The following CKAP4 variants were observed in gnomAD, a reference collection of about 807,000 sequenced individuals.
CKAP4 encodes cytoskeleton associated protein 4.
A neutral mutation model predicts 24.4 loss-of-function variants in CKAP4; 20 were observed. The observed-to-expected ratio is 0.82, with a 90% CI of 0.58 to 1.19. The LOEUF is 1.19. CKAP4 is among the 50% of genes most tolerant of loss of function. The probability of loss-of-function intolerance (pLI) is 0.00; values close to 1 mark genes in which losing one functional copy is unlikely to be tolerated. For synonymous variants in CKAP4, 378 were observed against 351.7 expected (o/e 1.07, Z -0.84); for missense variants, 744 against 765.3 (o/e 0.97, Z 0.33).
chr12:106,240,242 G>C lies in CKAP4; in HGVS notation c.591C>G (p.Val197=), dbSNP rs761587038. 1.2e-6 allele frequency: 2 copies of C among 1,614,172 alleles called. No homozygotes were observed. Among genetic ancestry groups the C allele is most frequent in the Non-Finnish European group, 8.5e-7 (1 of 1,180,040 alleles). Reference sequence around the variant, plus strand: ...TCTGCAGCACTTCGCTGATCCGGCTGACCTCACTCTCCCCTTGCTTCACAG... The same window carrying C: ...TCTGCAGCACTTCGCTGATCCGGCTCACCTCACTCTCCCCTTGCTTCACAG... ...EKAVKQGESE[V]SRISEVLQKL... Residue 197 remains valine, a synonymous_variant, in exon 2 of 2, where the codon GTC becomes GTG. Coordinates refer to ENST00000378026, the MANE Select transcript of CKAP4 (RefSeq NM_006825.4).
chr12:106,247,078 C>G lies in CKAP4; in HGVS notation c.483+291G>C. 2 of 366,500 alleles carry G rather than the reference C, an allele frequency of 5.5e-6. No individual in the cohort carries two copies. Among genetic ancestry groups the G allele is most frequent in the Non-Finnish European group, 5.0e-6 (1 of 200,292 alleles). The allele number at this position is 366,500 out of a possible 1,614,324, so 22.7% of individuals were successfully genotyped here. ...ACAGGTCACCGCTAATGCCCTGTGA[C>G]AGGCCCTTGGCCCACCCTGCCAGGC... On this transcript the variant is annotated intron_variant, in intron 1 of 1. Coordinates refer to ENST00000378026, the MANE Select transcript of CKAP4 (RefSeq NM_006825.4). This position sits in a 1 kb window ranked among gnomAD's most constrained non-coding sequence, Gnocchi z 4.5.
chr12:106,241,331 C>CTTT (rs34135868), intron 1 of CKAP4, among the ~76,000 whole-genome samples: 14,964 of 127,346 alleles, frequency 0.12, 1,418 homozygotes, highest in African/African-American at 0.25. Context: ...GCCAGGGATT[C>CTTT]TTTTTTTTTT....
At chr12:106,240,384 G>A in intron 1 of CKAP4, 35 bp from the exon 2 acceptor site, 2 of 1,580,190 alleles carry the variant, frequency 1.3e-6, no homozygotes, top group African/African-American at 1.4e-5. Flanking sequence ...TTGCTGAGAA[G>A]AGCTGATGAG....
At position 106,247,453 on chromosome 12, in the gene CKAP4, C is replaced by T. The variant is rs1338756369; in HGVS notation, c.399G>A (p.Glu133=). ...SGWCVHHVLE[E]VQQVRRSHQD... Reference sequence around the variant, plus strand: ...GGTGGCTGCGCCGGACCTGCTGGACCTCCTCCAGGACGTGGTGGACGCACC... The same window carrying T: ...GGTGGCTGCGCCGGACCTGCTGGACTTCCTCCAGGACGTGGTGGACGCACC... The change falls in exon 1 of 2, where the codon GAG becomes GAA. Residue 133 remains glutamate, a synonymous_variant. Transcript: ENST00000378026. This position sits in a 1 kb window ranked among gnomAD's most constrained non-coding sequence, Gnocchi z 4.5. 5 of 1,545,206 alleles carry T rather than the reference C, an allele frequency of 3.2e-6. No individual in the cohort carries two copies. Among genetic ancestry groups the T allele is most frequent in the Non-Finnish European group, 3.5e-6 (4 of 1,147,452 alleles).
chr12:106,247,359 G>A lies in CKAP4; in HGVS notation c.483+10C>T. The A allele has an allele frequency of 1.3e-6, 2 of 1,520,868 alleles. No individual in the cohort carries two copies. Among genetic ancestry groups the A allele is most frequent in the Non-Finnish European group, 8.8e-7 (1 of 1,138,408 alleles). The allele number at this position is 1,520,868 out of a possible 1,614,324, so 94.2% of individuals were successfully genotyped here. On this transcript the variant is annotated intron_variant, in intron 1 of 1. Coordinates refer to ENST00000378026, the MANE Select transcript of CKAP4 (RefSeq NM_006825.4). The surrounding 1 kb of genome is among the most constrained non-coding windows in gnomAD (Gnocchi z 4.5). ...TCGATGGGGACAGTTGCGGGGCCGG[G>A]GGTACCCACCTTCTGCTCGACGCCC...
intron 1 of CKAP4, among the ~76,000 whole-genome samples, chr12:106,245,388 T>C (rs1036072556): frequency 1.3e-5 from 2 of 152,084 alleles, no homozygotes; most frequent in Non-Finnish European, 2.9e-5. Flanking sequence ...TAATAAATAT[T>C]ATGATTGACT....
intron 1 of CKAP4, among the ~76,000 whole-genome samples, chr12:106,246,362 G>A (rs1030670571): frequency 6.6e-6 from 1 of 152,152 alleles, no homozygotes; most frequent in Non-Finnish European, 1.5e-5. Flanking sequence ...ATATGTGAGT[G>A]AGTAAGCATT....
chr12:106,239,968 A>G lies in CKAP4; in HGVS notation c.865T>C (p.Leu289=), dbSNP rs1335730623. 2.5e-6 allele frequency: 4 copies of G among 1,614,024 alleles called. No homozygotes were observed. The highest frequency in any genetic ancestry group is 3.3e-5 in the Admixed American group (2 of 60,012). The change falls in exon 2 of 2, where the codon TTA becomes CTA. Residue 289 remains leucine, a synonymous_variant. Transcript: ENST00000378026. This position sits in a 1 kb window ranked among gnomAD's most constrained non-coding sequence, Gnocchi z 4.9. ...SEGNKQDLKA[L]KEAVKEIQTS... is the part of the protein sequence containing the mutation. ...TGTATCTCCTTCACAGCTTCCTTTA[A>G]GGCTTTCAAATCCTGCTTGTTCCCC... is the stretch of plus-strand genomic sequence containing the variant.
chr12:106,241,371 C>T (rs1411605031), intron 1 of CKAP4, among the ~76,000 whole-genome samples: 8 of 138,120 alleles, frequency 5.8e-5, no homozygotes, highest in African/African-American at 8.6e-5. Flanking sequence ...CTCGCTCTGT[C>T]GCCCAGGCTG....
chr12:106,244,918 G>A (rs1458470025), intron 1 of CKAP4, among the ~76,000 whole-genome samples: 2 of 152,192 alleles, frequency 1.3e-5, no homozygotes, highest in Non-Finnish European at 2.9e-5. Flanking sequence ...GAGCCCCAAA[G>A]AAGAAAGTGA....
At chr12:106,240,489 C>G in intron 1 of CKAP4, 140 bp from the exon 2 acceptor site, 1 of 931,102 alleles carries the variant, frequency 1.1e-6, no homozygotes, top group Non-Finnish European at 1.6e-6. Flanking sequence ...AACATCCTTC[C>G]ACATATAGTC....
At chr12:106,243,553 A>G (rs2033984091) in intron 1 of CKAP4, among the ~76,000 whole-genome samples, 1 of 152,144 alleles carries the variant, frequency 6.6e-6, no homozygotes, top group South Asian at 2.1e-4. Context: ...TACTCCTACC[A>G]TTGCTTTATA....
chr12:106,241,409 T>G (rs1301987339), intron 1 of CKAP4, among the ~76,000 whole-genome samples: 1 of 147,742 alleles, frequency 6.8e-6, no homozygotes, highest in Non-Finnish European at 1.5e-5. Flanking sequence ...CTCGGCTCAC[T>G]GCAAGCTCCG....
intron 1 of CKAP4, among the ~76,000 whole-genome samples, chr12:106,243,128 G>C (rs2033981137): frequency 6.6e-6 from 1 of 152,224 alleles, no homozygotes; most frequent in Non-Finnish European, 1.5e-5. Context: ...CTAGGGTGGG[G>C]GGACTGGGTG....
At position 106,247,028 on chromosome 12, in the gene CKAP4, C is replaced by A. The variant is rs1195349140; in HGVS notation, c.483+341G>T. The A allele has an allele frequency of 2.6e-5, 6 of 230,408 alleles. No individual in the cohort carries two copies. Among genetic ancestry groups the A allele is most frequent in the African/African-American group, 6.8e-5 (3 of 44,286 alleles). 14.3% of individuals were successfully genotyped at this position (230,408 alleles called of 1,614,324 possible). On this transcript the variant is annotated intron_variant, in intron 1 of 1. Coordinates refer to ENST00000378026, the MANE Select transcript of CKAP4 (RefSeq NM_006825.4). This position sits in a 1 kb window ranked among gnomAD's most constrained non-coding sequence, Gnocchi z 4.5. ...CGGTTCCTAATGCAGAAAGAATGGG[C>A]TCCCCGGAGCCTGCCGGCTTCCTTA... is the stretch of plus-strand genomic sequence containing the variant.
chr12:106,239,540 G>T lies in CKAP4; in HGVS notation c.1293C>A (p.Thr431=). The T allele has an allele frequency of 6.2e-7, 1 of 1,611,404 alleles. No homozygotes were observed. Residue 431 remains threonine, a synonymous_variant, in exon 2 of 2, where the codon ACC becomes ACA. Coordinates refer to ENST00000378026, the MANE Select transcript of CKAP4 (RefSeq NM_006825.4). The surrounding 1 kb of genome is among the most constrained non-coding windows in gnomAD (Gnocchi z 4.9). ...TGGACAGGAGGGACTCCAGGCTCTC[G>T]GTCTGGCGCGCAGAAGCCACCTGCA... The part of the protein sequence containing the change: ...LSMQVASARQ[T]ESLESLLSKS...
In CKAP4 at chr12:106,237,999, T is replaced by TTTG. The variant is rs2033922849; in HGVS notation, c.*1024_*1025insCAA. ...TTTTTTTTTACTTTTCGGGTTTTTTTTTTTTTTTTTTTTTCAATTTTTTTT... is the reference window on the plus strand; with the variant it reads ...TTTTTTTTTACTTTTCGGGTTTTTTTTTGTTTTTTTTTTTTTTCAATTTTTTTT... On this transcript the variant is annotated 3_prime_UTR_variant, in exon 2 of 2. Coordinates refer to ENST00000378026, the MANE Select transcript of CKAP4 (RefSeq NM_006825.4). 6.9e-6 allele frequency: 1 copy of TTTG among 145,686 alleles called. No individual in the cohort carries two copies. The highest frequency in any genetic ancestry group is 2.2e-4 in the South Asian group (1 of 4,560). The allele number at this position is 145,686 out of a possible 1,614,324, so 9.0% of individuals were successfully genotyped here. A position where few individuals can be genotyped will look rare whatever the true frequency, so the allele number is the denominator to read the frequency against.
intron 1 of CKAP4, among the ~76,000 whole-genome samples, chr12:106,244,251 T>TA: frequency 6.6e-6 from 1 of 152,302 alleles, no homozygotes; most frequent in South Asian, 2.1e-4. Flanking sequence ...TTCCAGGAGT[T>TA]AGACAACAGT....
rs2034025508 is a variant in CKAP4, at chr12:106,247,616, G to A, written c.236C>T (p.Ser79Phe). 2.7e-6 allele frequency: 3 copies of A among 1,127,418 alleles called. No homozygotes were observed. Among genetic ancestry groups the A allele is most frequent in the Admixed American group, 6.7e-5 (2 of 29,648 alleles). The allele number at this position is 1,127,418 out of a possible 1,614,324, so 69.8% of individuals were successfully genotyped here. A position where few individuals can be genotyped will look rare whatever the true frequency, so the allele number is the denominator to read the frequency against. Reference sequence around the variant, plus strand: ...GGCGGAGGCGGAGGAGGAGGAGGAGGACTTGCCGCCGCCGCCGCCGCCGCC... The same window carrying A: ...GGCGGAGGCGGAGGAGGAGGAGGAGAACTTGCCGCCGCCGCCGCCGCCGCC... ...HRGGGGGGGK[S>F]SSSSSASAAA... is the part of the protein sequence containing the mutation. Residue 79 changes from serine to phenylalanine, a missense_variant, in exon 1 of 2, where the codon TCC (serine) becomes TTC (phenylalanine). Ser to Phe is a radical substitution (Grantham distance 155). This residue lies in a region of CKAP4 where 300 missense variants were observed against 264.5 expected (regional missense o/e 1.13). Coordinates refer to ENST00000378026, the MANE Select transcript of CKAP4 (RefSeq NM_006825.4). The surrounding 1 kb of genome is among the most constrained non-coding windows in gnomAD (Gnocchi z 4.5).
Sources: gnomAD v4.1 joint callset for allele counts (sites outside exome capture counted in the v4.1 genomes callset) on GRCh38, gnomAD v4.1.1 for gene constraint, gnomAD v4.1.1 regional missense constraint, Gnocchi (gnomAD v3.1) non-coding constraint, MANE v1.5 for transcripts, NCBI Gene and HGNC (gene_info 2026-07-23, HGNC 2026-07-21) for gene names.